BTBD9: variants seen among roughly 807,000 people sequenced by gnomAD.
BTBD9 encodes the protein BTB domain containing 9, also known as BTB/POZ domain-containing protein 9.
A neutral mutation model predicts 64.3 loss-of-function variants in BTBD9; 49 were observed. The observed-to-expected ratio is 0.76, with a 90% CI of 0.61 to 0.97. BTBD9 has a LOEUF of 0.97. Ranked by LOEUF, BTBD9 falls within the 50% of genes least tolerant of loss-of-function variation. The probability of loss-of-function intolerance (pLI) is 0.00; values close to 1 mark genes in which losing one functional copy is unlikely to be tolerated. For missense variants in BTBD9, 598 were observed against 762.1 expected (o/e 0.78, Z 2.53); for synonymous variants, 260 against 274.7 (o/e 0.95, Z 0.53).
At chr6:38,414,836 G>A (rs897401690) in intron 6 of BTBD9, among the ~76,000 whole-genome samples, 1 of 151,998 alleles carries the variant, frequency 6.6e-6, no homozygotes, top group Admixed American at 6.6e-5. Flanking sequence ...GTTGTGCCCG[G>A]CTTTCTCCTT....
chr6:38,175,500 T>C (rs1005499386), intron 10 of BTBD9, among the ~76,000 whole-genome samples: 6 of 152,250 alleles, frequency 3.9e-5, no homozygotes, highest in African/African-American at 1.2e-4. Context: ...GGCTCTTTTT[T>C]CTTTTTTAAT....
intron 6 of BTBD9, among the ~76,000 whole-genome samples, chr6:38,562,665 G>A (rs1011002855): frequency 2.6e-5 from 4 of 152,110 alleles, no homozygotes; most frequent in African/African-American, 9.7e-5. Context: ...TCTAATATGT[G>A]TTGTTCATCT....
chr6:38,557,324 G>A (rs1002402156), intron 6 of BTBD9, among the ~76,000 whole-genome samples: 2 of 152,254 alleles, frequency 1.3e-5, no homozygotes, highest in Non-Finnish European at 2.9e-5. Context: ...CAGCCTGGGC[G>A]ACAAGAGCAA....
chr6:38,198,242 T>G (rs1762333305), intron 9 of BTBD9, among the ~76,000 whole-genome samples: 1 of 151,366 alleles, frequency 6.6e-6, no homozygotes, highest in Admixed American at 6.5e-5. Flanking sequence ...TTAGCTAAAC[T>G]ATAAATATAA....
chr6:38,291,960 T>TC, intron 7 of BTBD9, among the ~76,000 whole-genome samples: 1 of 147,884 alleles, frequency 6.8e-6, no homozygotes, highest in Non-Finnish European at 1.5e-5. Flanking sequence ...TTTTCTTTTT[T>TC]CTTTCTTTTT....
chr6:38,537,276 G>A (rs1012512234), intron 6 of BTBD9, among the ~76,000 whole-genome samples: 1 of 152,172 alleles, frequency 6.6e-6, no homozygotes, highest in African/African-American at 2.4e-5. Flanking sequence ...AAAGGCATCA[G>A]ACTACAATAG....
At chr6:38,531,065 A>G (rs576443393) in intron 6 of BTBD9, among the ~76,000 whole-genome samples, 1 of 152,330 alleles carries the variant, frequency 6.6e-6, no homozygotes, top group African/African-American at 2.4e-5. Flanking sequence ...CAAAGTGATA[A>G]TAACTGAACT....
At chr6:38,628,618 T>C (rs1392743257) in intron 1 of BTBD9, among the ~76,000 whole-genome samples, 3 of 152,218 alleles carry the variant, frequency 2.0e-5, no homozygotes, top group East Asian at 1.9e-4. Flanking sequence ...ATGGTTAATA[T>C]AGATATACAA....
chr6:38,628,012 A>C (rs567011824), intron 1 of BTBD9, among the ~76,000 whole-genome samples: 9 of 152,312 alleles, frequency 5.9e-5, no homozygotes, highest in African/African-American at 2.2e-4. Flanking sequence ...ATATATCCTA[A>C]AGTAAGGTGT....
At chr6:38,635,675 C>T (rs867833841) in intron 1 of BTBD9, among the ~76,000 whole-genome samples, 11 of 152,288 alleles carry the variant, frequency 7.2e-5, no homozygotes, top group Middle Eastern at 3.4e-3. Flanking sequence ...ATGCCTTCTG[C>T]CATGTTATGA....
rs75773708 is a variant in BTBD9, at chr6:38,464,383, A to C, written c.1154+113217T>G. Among the ~76,000 whole-genome samples, 3 of 88,638 alleles carry C rather than the reference A, an allele frequency of 3.4e-5. No homozygotes were observed. The South Asian group carries it at 9.1e-4, about 27-fold the overall frequency. The allele number at this position is 88,638 out of a possible 152,430, so 58.1% of individuals were successfully genotyped here. A position where few individuals can be genotyped will look rare whatever the true frequency, so the allele number is the denominator to read the frequency against. On this transcript the variant is annotated intron_variant, in intron 6 of 10. Coordinates refer to ENST00000481247, the MANE Select transcript of BTBD9 (RefSeq NM_001099272.2). ...GTGTTAAACCAGCCTTGCATTCATGAAAAAAAAAAACCCACTTGAAAGAGT... is the reference window on the plus strand; with the variant it reads ...GTGTTAAACCAGCCTTGCATTCATGCAAAAAAAAAACCCACTTGAAAGAGT...
intron 1 of BTBD9, among the ~76,000 whole-genome samples, chr6:38,621,525 C>G (rs1344705949): frequency 6.6e-6 from 1 of 152,188 alleles, no homozygotes; most frequent in Non-Finnish European, 1.5e-5. Flanking sequence ...AAAGCAAGCC[C>G]CTTCCCCCAG....
At chr6:38,435,334 C>T (rs934152689) in intron 6 of BTBD9, among the ~76,000 whole-genome samples, 2 of 151,602 alleles carry the variant, frequency 1.3e-5, no homozygotes, top group African/African-American at 4.9e-5. Flanking sequence ...AACTCCATCT[C>T]TACTAAAAAT....
At chr6:38,243,856 T>C (rs1764093103) in intron 9 of BTBD9, among the ~76,000 whole-genome samples, 2 of 152,188 alleles carry the variant, frequency 1.3e-5, no homozygotes, top group Admixed American at 6.5e-5. Context: ...GCTGGACCCC[T>C]GAATTCATAA....
At chr6:38,479,805 T>G (rs1401316886) in intron 6 of BTBD9, among the ~76,000 whole-genome samples, 6 of 152,202 alleles carry the variant, frequency 3.9e-5, no homozygotes, top group Admixed American at 1.3e-4. Context: ...CTCGGCTCAC[T>G]GCAACCTCCA....
intron 6 of BTBD9, among the ~76,000 whole-genome samples, chr6:38,413,326 C>G (rs116340221): frequency 6.6e-6 from 1 of 152,102 alleles, no homozygotes; most frequent in East Asian, 1.9e-4. Flanking sequence ...AGTGAGGCAG[C>G]GGGGGCTGTG....
At position 38,199,459 on chromosome 6, in the gene BTBD9, T is replaced by C. The variant is rs188270176; in HGVS notation, c.1563-6862A>G. Among the ~76,000 whole-genome samples, 293 of 152,288 alleles carry C rather than the reference T, an allele frequency of 1.9e-3. 1 individual carries two copies. Among genetic ancestry groups the C allele is most frequent in the African/African-American group, 6.9e-3 (286 of 41,556 alleles). On this transcript the variant is annotated intron_variant, in intron 9 of 10. Transcript: ENST00000481247. Reference sequence around the variant, plus strand: ...CCTTACTATGGAATAAGCCCATTTTTAGACCCTGAGGATATAGCATACAAC... The same window carrying C: ...CCTTACTATGGAATAAGCCCATTTTCAGACCCTGAGGATATAGCATACAAC...
intron 9 of BTBD9, among the ~76,000 whole-genome samples, chr6:38,232,328 T>C (rs2127518028): frequency 6.6e-6 from 1 of 151,698 alleles, no homozygotes; most frequent in African/African-American, 2.4e-5. Context: ...TGGAGTGCAG[T>C]GGCACAATCT....
chr6:38,188,291 T>C (rs1158662620), intron 10 of BTBD9, among the ~76,000 whole-genome samples: 3 of 152,226 alleles, frequency 2.0e-5, no homozygotes, highest in Admixed American at 1.3e-4. Context: ...GCTGCTCTGC[T>C]AGCTGCTACT....
Sources: allele counts gnomAD v4.1 joint callset (sites outside exome capture counted in the v4.1 genomes callset), GRCh38; gene constraint gnomAD v4.1.1; transcripts MANE v1.5; gene names NCBI Gene and HGNC (gene_info 2026-07-23, HGNC 2026-07-21).